ACO2: variants seen among roughly 807,000 people sequenced by gnomAD.
ACO2 encodes aconitate hydratase, mitochondrial.
A neutral mutation model predicts 84.5 loss-of-function variants in ACO2; 31 were observed. The ratio of observed to expected loss-of-function variants is 0.37; its 90% CI spans 0.28 to 0.50. The LOEUF is 0.50. ACO2 is among the 20% of genes least tolerant of loss of function. The pLI is 0.97. For synonymous variants in ACO2, 414 were observed against 412.7 expected, an observed-to-expected ratio of 1.00 and a Z score of -0.04; for missense variants, 685 against 1,029.3, an observed-to-expected ratio of 0.67 and a Z score of 4.58.
intron 1 of ACO2, 140 bp from the exon 2 acceptor site, chr22:41,499,586 G>T: frequency 1.1e-6 from 1 of 912,956 alleles, no homozygotes; most frequent in Non-Finnish European, 1.6e-6. Context: ...CTGTCCTGCA[G>T]ATGAGGAAGC....
intron 1 of ACO2, among the ~76,000 whole-genome samples, chr22:41,482,880 A>G (rs1324003527): frequency 6.6e-6 from 1 of 152,234 alleles, no homozygotes; most frequent in Non-Finnish European, 1.5e-5. Context: ...CCAGATCTCC[A>G]AAGCTGGAAT....
intron 3 of ACO2, among the ~76,000 whole-genome samples, chr22:41,509,578 G>T (rs1308058527): frequency 6.6e-6 from 1 of 152,148 alleles, no homozygotes; most frequent in Non-Finnish European, 1.5e-5. Context: ...CATATGAGTT[G>T]CATTGACTGG....
At chr22:41,520,320 G>T (rs1297341272) in intron 9 of ACO2, 44 bp downstream of exon 9, 5 of 1,504,484 alleles carry the variant, frequency 3.3e-6, no homozygotes, top group Non-Finnish European at 4.6e-6. Flanking sequence ...CTCAGGGCCA[G>T]TGGCTCTGCC....
chr22:41,511,578 G>A (rs1040274858), intron 3 of ACO2, among the ~76,000 whole-genome samples: 6 of 152,242 alleles, frequency 3.9e-5, no homozygotes, highest in Non-Finnish European at 2.9e-5. Context: ...CTCCAGATAA[G>A]GAAACTGAGA....
At chr22:41,514,088 C>T (rs758016440) in intron 4 of ACO2, among the ~76,000 whole-genome samples, 14 of 152,222 alleles carry the variant, frequency 9.2e-5, no homozygotes, top group Non-Finnish European at 1.8e-4. Flanking sequence ...GCCAGTTCTT[C>T]GCAGCCAGGT....
chr22:41,504,711 C>CTTTT lies in ACO2; in HGVS notation c.174-3053_174-3050dup, dbSNP rs926246283. 3.9e-4 allele frequency among the ~76,000 whole-genome samples: 19 copies of CTTTT among 48,588 alleles called. 4 individuals are homozygous for CTTTT. Among genetic ancestry groups the CTTTT allele is most frequent in the African/African-American group, 5.4e-4 (7 of 12,920 alleles). The allele number at this position is 48,588 out of a possible 152,430, so 31.9% of individuals were successfully genotyped here. A position where few individuals can be genotyped will look rare whatever the true frequency, so the allele number is the denominator to read the frequency against. On this transcript the variant is annotated intron_variant, in intron 2 of 17. Coordinates refer to ENST00000216254, the MANE Select transcript of ACO2 (RefSeq NM_001098.3). ...GCCAGCAGATCCAGCACCTTAGGGA[C>CTTTT]TTTTTTTTTTTTTTTTTTTTTTTTT...
At chr22:41,470,528 CTTTTTTTTTTTTTTTTTTTTTTT>C (rs71184811) in intron 1 of ACO2, among the ~76,000 whole-genome samples, 1 of 95,858 alleles carries the variant, frequency 1.0e-5, no homozygotes, top group Non-Finnish European at 2.1e-5. Flanking sequence ...CTCTTTACAT[CTTTTTTTTTTTTTTTTTTTTTTT>C]TTTTTTTTTT....
rs761466511 is a variant in ACO2, at chr22:41,478,764, C to CTT, written c.36+9601_36+9602dup. 7.2e-3 allele frequency among the ~76,000 whole-genome samples: 910 copies of CTT among 125,852 alleles called. 18 individuals carry two copies. The highest frequency in any genetic ancestry group is 0.022 in the African/African-American group (738 of 33,828). 82.6% of individuals were successfully genotyped at this position (125,852 alleles called of 152,430 possible). A position where few individuals can be genotyped will look rare whatever the true frequency, so the allele number is the denominator to read the frequency against. The stretch of plus-strand genomic sequence containing the variant: ...CCGCCCTGTCCCTGCCACATATCTT[C>CTT]TTTTTTTTTTTTTTTTTTTTGAGAA... On this transcript the variant is annotated intron_variant, in intron 1 of 17. Coordinates refer to ENST00000216254, the MANE Select transcript of ACO2 (RefSeq NM_001098.3).
chr22:41,489,666 A>G, intron 1 of ACO2, among the ~76,000 whole-genome samples: 1 of 150,292 alleles, frequency 6.7e-6, no homozygotes, highest in East Asian at 2.0e-4. Context: ...TGCAGGTTAA[A>G]CATTCTGGGC....
intron 13 of ACO2, 102 bp from the exon 14 acceptor site, chr22:41,525,091 C>T: frequency 1.3e-6 from 2 of 1,596,050 alleles, no homozygotes; most frequent in Admixed American, 1.7e-5. Context: ...AGCTCTGTTC[C>T]CTGGGAGGGG....
intron 11 of ACO2, among the ~76,000 whole-genome samples, chr22:41,523,523 C>T (rs1251878840): frequency 2.6e-5 from 4 of 152,326 alleles, no homozygotes; most frequent in East Asian, 3.9e-4. Context: ...GAAGCCAGCG[C>T]GGCCTCACCC....
intron 1 of ACO2, among the ~76,000 whole-genome samples, chr22:41,477,244 C>T: frequency 6.6e-6 from 1 of 151,664 alleles, no homozygotes; most frequent in East Asian, 1.9e-4. Flanking sequence ...AGCTCCGCCT[C>T]CCGGGTTCAC....
chr22:41,469,896 C>T (rs2037922513), intron 1 of ACO2, among the ~76,000 whole-genome samples: 1 of 152,156 alleles, frequency 6.6e-6, no homozygotes, highest in Non-Finnish European at 1.5e-5. Context: ...AAGAGTGTCA[C>T]CGAAGTGCTG....
chr22:41,520,535 G>A (rs550760916), intron 9 of ACO2, among the ~76,000 whole-genome samples: 14 of 151,864 alleles, frequency 9.2e-5, no homozygotes, highest in Middle Eastern at 3.4e-3. Context: ...GAAAAACCCC[G>A]TCTCTTAAAA....
intron 4 of ACO2, 156 bp downstream of exon 4, chr22:41,512,124 A>G (rs541697012): frequency 5.4e-6 from 3 of 554,240 alleles, no homozygotes; most frequent in African/African-American, 4.0e-5. Context: ...TTTGAAACTG[A>G]TTTTCATTAT....
rs1407893500 is a variant in ACO2 at position 41,528,541 on chromosome 22, C to T, written c.2271C>T (p.Thr757=). 2 of 1,613,212 alleles carry T rather than the reference C, an allele frequency of 1.2e-6. No individual in the cohort carries two copies. The highest frequency in any genetic ancestry group is 1.7e-6 in the Non-Finnish European group (2 of 1,180,042). Residue 757 remains threonine (T), a synonymous_variant, in exon 18 of 18, where the codon ACC becomes ACT. Coordinates refer to ENST00000216254, the MANE Select transcript of ACO2 (RefSeq NM_001098.3). ...GTQETILLNH[T]FNETQIEWFR... ...AGGAGACCATCCTCCTGAACCACAC[C>T]TTCAACGAGACGCAGATTGAGTGGT...
At chr22:41,473,563 G>A (rs1014641986) in intron 1 of ACO2, among the ~76,000 whole-genome samples, 6 of 152,170 alleles carry the variant, frequency 3.9e-5, no homozygotes, top group Non-Finnish European at 7.4e-5. Context: ...CTAGACACTG[G>A]GGGTGCAGTA....
intron 3 of ACO2, among the ~76,000 whole-genome samples, chr22:41,509,007 T>C (rs2066414832): frequency 2.0e-5 from 3 of 152,190 alleles, no homozygotes; most frequent in African/African-American, 7.2e-5. Context: ...CCCCTGGTGG[T>C]ATCCTGGCTC....
chr22:41,474,563 G>T (rs1232226144), intron 1 of ACO2, among the ~76,000 whole-genome samples: 3 of 146,644 alleles, frequency 2.0e-5, no homozygotes, highest in Non-Finnish European at 4.5e-5. Flanking sequence ...AAAGTGCTGG[G>T]ATTACAGGCG....
Sources: allele counts gnomAD v4.1 joint callset (sites outside exome capture counted in the v4.1 genomes callset), GRCh38; gene constraint gnomAD v4.1.1; transcripts MANE v1.5; gene names NCBI Gene and HGNC (gene_info 2026-07-23, HGNC 2026-07-21).